Variants in XG observed in about 807,000 individuals in gnomAD.
The protein encoded by XG is glycoprotein Xg.
XG carries 24 observed loss-of-function variants against 25.7 expected under a neutral mutation model. The ratio of observed to expected loss-of-function variants is 0.93; its 90% confidence interval spans 0.68 to 1.31. The LOEUF is 1.31. Ranked by LOEUF, XG falls within the 40% of genes most tolerant of loss-of-function variation. XG has a pLI of 0.00. For missense variants in XG, 181 were observed against 187.6 expected (o/e 0.96, Z 0.21); for synonymous variants, 77 against 69.2 (o/e 1.11, Z -0.56).
At chrX:2,766,480 TG>T (rs1223761858) in intron 1 of XG, among the ~76,000 whole-genome samples, 15 of 122,438 alleles carry the variant, frequency 1.2e-4, no homozygotes, top group Admixed American at 1.1e-3. Context: ...CTTCCGGGTA[TG>T]GGGCTGGGAG....
rs761864027 is a variant in XG at position 2,764,168 on chromosome X, A to G, written c.62-6382A>G. ...CCCACCAGCACCATGACAGTTTACAAATGCCACGGCAATGTCAGGAAGTTA... is the reference window on the plus strand; with the variant it reads ...CCCACCAGCACCATGACAGTTTACAGATGCCACGGCAATGTCAGGAAGTTA... On this transcript the variant is annotated intron_variant, in intron 1 of 10. Transcript: ENST00000644266. Among the ~76,000 whole-genome samples the G allele has an allele frequency of 7.2e-5, 11 of 152,292 alleles. No individual in the cohort carries two copies. In the South Asian group the frequency reaches 2.3e-3, roughly 32 times the overall value.
intron 6 of XG, among the ~76,000 whole-genome samples, chrX:2,795,814 C>T (rs1431625718): frequency 1.8e-5 from 2 of 110,039 alleles, no homozygotes; most frequent in Non-Finnish European, 3.8e-5. Context: ...CCTGCCAGCA[C>T]GCCTGGCTAA....
At chrX:2,759,570 TG>T (rs2050517140) in intron 1 of XG, among the ~76,000 whole-genome samples, 1 of 152,172 alleles carries the variant, frequency 6.6e-6, no homozygotes, top group Non-Finnish European at 1.5e-5. Flanking sequence ...GTTTCCTTCT[TG>T]GAGTAGGAAG....
chrX:2,784,391 T>C (rs2086763871), intron 4 of XG, among the ~76,000 whole-genome samples: 1 of 110,083 alleles, frequency 9.1e-6, no homozygotes. Context: ...AAGGCCAGCC[T>C]GGCCAACATG....
At chrX:2,782,269 C>G in intron 4 of XG, 141 bp downstream of exon 4, 2 of 682,477 alleles carry the variant, frequency 2.9e-6, no homozygotes, top group Non-Finnish European at 4.5e-6. Context: ...TCTTTCCTCA[C>G]TGGGGGGAGC....
chrX:2,776,601 G>A (rs1280872049), intron 3 of XG, among the ~76,000 whole-genome samples: 1 of 152,046 alleles, frequency 6.6e-6, no homozygotes, highest in Non-Finnish European at 1.5e-5. Flanking sequence ...AGAAGGCTAG[G>A]TGAGTAAAGG....
intron 7 of XG, among the ~76,000 whole-genome samples, 186 bp from the exon 8 acceptor site, chrX:2,806,515 C>T (rs978148542): frequency 3.6e-5 from 4 of 110,831 alleles, no homozygotes; most frequent in African/African-American, 1.3e-4. Context: ...CTTCAGCCAC[C>T]GGTGTAAACA....
intron 7 of XG, among the ~76,000 whole-genome samples, chrX:2,805,350 A>T (rs929370767): frequency 1.3e-4 from 15 of 112,257 alleles, no homozygotes; most frequent in Non-Finnish European, 2.3e-4. Context: ...AGCAAAAGGG[A>T]TTTCTTCTCC....
chrX:2,789,729 T>TTTTTATTTTA (rs761079287), intron 5 of XG, 23 bp downstream of exon 5: 10 of 864,261 alleles, frequency 1.2e-5, no homozygotes, highest in African/African-American at 1.1e-4. Flanking sequence ...TATTTATTTA[T>TTTTTATTTTA]TTTTATTTTA....
chrX:2,801,180 C>CA (rs1167159122), intron 7 of XG, among the ~76,000 whole-genome samples: 1 of 84,478 alleles, frequency 1.2e-5, no homozygotes, highest in Non-Finnish European at 2.6e-5. Context: ...TGAACGGGAG[C>CA]ATGTGAAGCA....
chrX:2,765,819 T>C (rs1203725069), intron 1 of XG, among the ~76,000 whole-genome samples: 1 of 152,268 alleles, frequency 6.6e-6, no homozygotes, highest in African/African-American at 2.4e-5. Context: ...GCAATGGTAC[T>C]GTTCTTTGCT....
chrX:2,764,857 A>G (rs1369970281), intron 1 of XG, among the ~76,000 whole-genome samples: 4 of 151,208 alleles, frequency 2.6e-5, no homozygotes, highest in African/African-American at 9.7e-5. Flanking sequence ...CCTGGCCAAC[A>G]TGGTGAAACC....
intron 3 of XG, among the ~76,000 whole-genome samples, chrX:2,775,955 C>CAA (rs1173774743): frequency 1.6e-5 from 2 of 122,150 alleles, no homozygotes; most frequent in Admixed American, 9.2e-5. Context: ...GATTCCGTCT[C>CAA]AAAAAAAAAA....
chrX:2,779,038 A>G (rs2124479279), intron 3 of XG, among the ~76,000 whole-genome samples: 1 of 152,240 alleles, frequency 6.6e-6, no homozygotes, highest in East Asian at 1.9e-4. Flanking sequence ...TGCTGGGATT[A>G]CAGGTGTGAA....
At chrX:2,777,128 G>C (rs1217890007) in intron 3 of XG, among the ~76,000 whole-genome samples, 1 of 152,152 alleles carries the variant, frequency 6.6e-6, no homozygotes, top group East Asian at 1.9e-4. Context: ...GATGCGAATA[G>C]CAATGCCAGC....
intron 5 of XG, among the ~76,000 whole-genome samples, chrX:2,790,625 C>A (rs2086828516): frequency 9.0e-6 from 1 of 111,126 alleles, no homozygotes; most frequent in Non-Finnish European, 1.9e-5. Context: ...ACATGGTGAA[C>A]CCCTGTTTCT....
At chrX:2,814,126 A>T (rs1238348788) in intron 10 of XG, among the ~76,000 whole-genome samples, 2 of 110,095 alleles carry the variant, frequency 1.8e-5, no homozygotes, top group Non-Finnish European at 3.8e-5. Flanking sequence ...CTTTTTTTTA[A>T]AATAGATTTT....
chrX:2,793,073 G>A (rs1465221187), intron 5 of XG, among the ~76,000 whole-genome samples: 3 of 109,820 alleles, frequency 2.7e-5, no homozygotes, highest in African/African-American at 1.0e-4. Flanking sequence ...ATAATTTTTT[G>A]TATTTTTTTG....
Position 2,776,109 on chromosome X carries a change from A to G in XG, c.127+1370A>G, listed in dbSNP as rs747251216. Among the ~76,000 whole-genome samples, 155 of 150,768 alleles carry G rather than the reference A, an allele frequency of 1.0e-3. 1 individual carries two copies. The highest frequency in any genetic ancestry group is 3.3e-3 in the African/African-American group (136 of 41,218). On this transcript the variant is annotated intron_variant, in intron 3 of 10. Transcript: ENST00000644266. ...TCGAGACCATCCTGGCTAACACGGT[A>G]TGTTGTACCTGAGCGAGTTAGAAAA...
Sources: gnomAD v4.1 joint callset for allele counts (sites outside exome capture counted in the v4.1 genomes callset) on GRCh38, gnomAD v4.1.1 for gene constraint, MANE v1.5 for transcripts, NCBI Gene and HGNC (gene_info 2026-07-23, HGNC 2026-07-21) for gene names.